The following GRXCR1 variants were observed in gnomAD, a reference collection of about 807,000 sequenced individuals.
GRXCR1 encodes glutaredoxin domain-containing cysteine-rich protein 1.
In GRXCR1, 27 loss-of-function variants were observed where a neutral mutation model predicts 27.3. That is an observed-to-expected ratio of 0.99 (90% CI 0.73 to 1.37). The LOEUF (loss-of-function observed/expected upper bound fraction) is 1.37, where lower values mean the gene tolerates loss of function less well. Among genes scored for constraint, GRXCR1 ranks in the 40% most tolerant of loss-of-function variants. The pLI is 0.00. For missense variants in GRXCR1, 379 were observed against 354.4 expected (o/e 1.07, Z -0.56); for synonymous variants, 122 against 131.1 (o/e 0.93, Z 0.47).
intron 1 of GRXCR1, among the ~76,000 whole-genome samples, chr4:42,955,761 C>G (rs537393309): frequency 6.6e-6 from 1 of 152,152 alleles, no homozygotes; most frequent in Admixed American, 6.5e-5. Flanking sequence ...TTTCTGGAGG[C>G]CTCTAAGTTC....
At chr4:42,980,523 T>C (rs1439602054) in intron 2 of GRXCR1, among the ~76,000 whole-genome samples, 1 of 152,070 alleles carries the variant, frequency 6.6e-6, no homozygotes. Context: ...GATTTTAATC[T>C]TCTTAAATTT....
intron 1 of GRXCR1, among the ~76,000 whole-genome samples, chr4:42,961,711 TTC>T (rs1474656041): frequency 6.6e-6 from 1 of 151,954 alleles, no homozygotes. Flanking sequence ...ATCAGAAAAA[TTC>T]TCTCTCCATA....
At chr4:42,945,336 G>A (rs78935249) in intron 1 of GRXCR1, among the ~76,000 whole-genome samples, 1 of 152,036 alleles carries the variant, frequency 6.6e-6, no homozygotes, top group Non-Finnish European at 1.5e-5. Context: ...AAAGAAAGAA[G>A]GAGAAATTTA....
intron 1 of GRXCR1, among the ~76,000 whole-genome samples, chr4:42,930,012 CTTAACATCTATGCTCTGCCTTTT>C (rs1747266387): frequency 6.6e-6 from 1 of 152,010 alleles, no homozygotes; most frequent in African/African-American, 2.4e-5. Context: ...GAAGCCAAGC[CTTAACATCTATGCTCTGCCTTTT>C]GGCTCTCAGT....
At chr4:42,980,502 A>T (rs1577929963) in intron 2 of GRXCR1, among the ~76,000 whole-genome samples, 1 of 152,132 alleles carries the variant, frequency 6.6e-6, no homozygotes, top group South Asian at 2.1e-4. Flanking sequence ...GTCAAGAAAG[A>T]TACTTGATAT....
chr4:42,909,378 C>G (rs1313017018), intron 1 of GRXCR1, among the ~76,000 whole-genome samples: 1 of 152,068 alleles, frequency 6.6e-6, no homozygotes, highest in Non-Finnish European at 1.5e-5. Context: ...AGTTAGTTTA[C>G]CCGCACATCT....
intron 1 of GRXCR1, among the ~76,000 whole-genome samples, chr4:42,914,336 C>T (rs1746837076): frequency 6.6e-6 from 1 of 152,254 alleles, no homozygotes; most frequent in South Asian, 2.1e-4. Flanking sequence ...CCACCTCTTG[C>T]ATCAGCATGA....
intron 2 of GRXCR1, among the ~76,000 whole-genome samples, chr4:43,001,621 C>G (rs1330155618): frequency 1.3e-5 from 2 of 152,090 alleles, no homozygotes; most frequent in Non-Finnish European, 2.9e-5. Flanking sequence ...GTGTGTGATA[C>G]CTCATTATGT....
chr4:42,970,186 A>C (rs1748352426), intron 2 of GRXCR1, among the ~76,000 whole-genome samples: 1 of 152,124 alleles, frequency 6.6e-6, no homozygotes, highest in Admixed American at 6.6e-5. Flanking sequence ...CAGTCCCAGA[A>C]GCTGCTTTCA....
chr4:42,901,728 C>T (rs183738474), intron 1 of GRXCR1, among the ~76,000 whole-genome samples: 82 of 152,258 alleles, frequency 5.4e-4, no homozygotes, highest in African/African-American at 1.9e-3. Context: ...AAGACTGAGG[C>T]CTTGTTGTAG....
At chr4:42,967,449 A>AT (rs1560668231) in intron 2 of GRXCR1, among the ~76,000 whole-genome samples, 1 of 151,830 alleles carries the variant, frequency 6.6e-6, no homozygotes, top group Non-Finnish European at 1.5e-5. Flanking sequence ...CTTAATCCAA[A>AT]TTTTTTGGAA....
At chr4:43,003,258 C>G (rs939472150) in intron 2 of GRXCR1, among the ~76,000 whole-genome samples, 1 of 151,996 alleles carries the variant, frequency 6.6e-6, no homozygotes, top group African/African-American at 2.4e-5. Context: ...ACGTATGTAA[C>G]AAACCTGCAC....
intron 2 of GRXCR1, among the ~76,000 whole-genome samples, chr4:43,000,102 C>A (rs760034847): frequency 8.5e-5 from 13 of 152,214 alleles, no homozygotes; most frequent in Non-Finnish European, 1.5e-4. Flanking sequence ...CTTGCACTAT[C>A]CTGCTTTGTC....
intron 1 of GRXCR1, among the ~76,000 whole-genome samples, chr4:42,945,339 G>T (rs1474959372): frequency 6.6e-6 from 1 of 152,112 alleles, no homozygotes; most frequent in Non-Finnish European, 1.5e-5. Flanking sequence ...GAAAGAAGGA[G>T]AAATTTATTT....
chr4:42,975,215 A>T (rs1748485745), intron 2 of GRXCR1, among the ~76,000 whole-genome samples: 2 of 152,268 alleles, frequency 1.3e-5, no homozygotes, highest in African/African-American at 4.8e-5. Flanking sequence ...AGGTTACAAA[A>T]CTGACTCATC....
chr4:42,954,723 A>G (rs1258839915), intron 1 of GRXCR1, among the ~76,000 whole-genome samples: 2 of 152,156 alleles, frequency 1.3e-5, no homozygotes, highest in Non-Finnish European at 2.9e-5. Flanking sequence ...TTGTGGTCCA[A>G]ATGTGAGGAG....
At chr4:42,923,064 CT>C (rs1747056664) in intron 1 of GRXCR1, among the ~76,000 whole-genome samples, 1 of 152,112 alleles carries the variant, frequency 6.6e-6, no homozygotes, top group African/African-American at 2.4e-5. Flanking sequence ...AGTCTGCTTT[CT>C]CACAGATACC....
In GRXCR1 at chr4:42,892,976, C is replaced by A. The variant is rs1746266467; in HGVS notation, c.-291C>A. ...ATATTTTCAGATTCGCTGCATGCCA[C>A]TTTCTTGCACTTGTCCTGTTAAAGA... On this transcript the variant is annotated 5_prime_UTR_variant, in exon 1 of 4. Transcript: ENST00000399770. Among the ~76,000 whole-genome samples the A allele has an allele frequency of 6.6e-6, 1 of 152,132 alleles. No homozygotes were observed. The highest frequency in any genetic ancestry group is 2.4e-5 in the African/African-American group (1 of 41,446).
chr4:42,969,057 ACTCTGTT>A lies in GRXCR1; in HGVS notation c.627+5924_627+5930del, dbSNP rs968065471. 6.2e-4 allele frequency among the ~76,000 whole-genome samples: 95 copies of A among 152,006 alleles called. 1 individual carries two copies. Among genetic ancestry groups the A allele is most frequent in the African/African-American group, 2.2e-3 (93 of 41,462 alleles). The stretch of plus-strand genomic sequence containing the variant: ...TGTAGTCAATGATTCCCTAGTATCT[ACTCTGTT>A]AATAAGGGCTGCAGAGATGGTGGGG... On this transcript the variant is annotated intron_variant, in intron 2 of 3. Transcript: ENST00000399770.
Sources: allele counts gnomAD v4.1 joint callset (sites outside exome capture counted in the v4.1 genomes callset), GRCh38; gene constraint gnomAD v4.1.1; transcripts MANE v1.5; gene names NCBI Gene and HGNC (gene_info 2026-07-23, HGNC 2026-07-21).